The following RUFY1 variants were observed in gnomAD, a reference collection of about 807,000 sequenced individuals.
RUFY1 encodes the protein RUN and FYVE domain containing 1, also known as RUN and FYVE domain-containing protein 1.
In RUFY1, 54 loss-of-function variants were observed where a neutral mutation model predicts 94.6. That is an observed-to-expected ratio of 0.57 (90% CI 0.46 to 0.72). The LOEUF (loss-of-function observed/expected upper bound fraction) is 0.72. RUFY1 is among the 30% of genes least tolerant of loss of function. RUFY1 has a pLI of 0.00. For missense variants in RUFY1, 883 were observed against 883.9 expected (o/e 1.00, Z 0.01); for synonymous variants, 396 against 347.3 (o/e 1.14, Z -1.56).
intron 4 of RUFY1, chr5:179,568,946 T>G (rs1763026165): frequency 1.4e-6 from 1 of 735,800 alleles, no homozygotes; most frequent in African/African-American, 1.9e-5. Context: ...CCTGTTTATA[T>G]CAGCATAAGT....
chr5:179,579,657 C>CTTCTTTTTTTTTT (rs1433456916), intron 6 of RUFY1, among the ~76,000 whole-genome samples: 12 of 50,542 alleles, frequency 2.4e-4, no homozygotes, highest in African/African-American at 6.1e-4. Flanking sequence ...TTTTCTTCTT[C>CTTCTTTTTTTTTT]TTTTTTTTTT....
At chr5:179,608,215 G>C in intron 17 of RUFY1, 3 of 852,660 alleles carry the variant, frequency 3.5e-6, no homozygotes, top group Non-Finnish European at 4.2e-6. Context: ...AAAACTGGGA[G>C]CTAAAGGAAA....
At chr5:179,587,174 C>A (rs1177427231) in intron 8 of RUFY1, among the ~76,000 whole-genome samples, 1 of 152,062 alleles carries the variant, frequency 6.6e-6, no homozygotes, top group Non-Finnish European at 1.5e-5. Context: ...CTGCCTCAAC[C>A]TCCCAGTAGC....
chr5:179,580,400 G>A (rs547689263), intron 6 of RUFY1, among the ~76,000 whole-genome samples: 26 of 151,486 alleles, frequency 1.7e-4, no homozygotes, highest in Non-Finnish European at 2.9e-4. Context: ...CCGCCACCAC[G>A]CCCGGCTAAT....
At chr5:179,594,686 G>A (rs1222629748) in intron 11 of RUFY1, among the ~76,000 whole-genome samples, 180 bp from the exon 12 acceptor site, 4 of 138,650 alleles carry the variant, frequency 2.9e-5, no homozygotes, top group Admixed American at 7.5e-5. Flanking sequence ...GCGTGAACCC[G>A]GGAGGCGGAG....
chr5:179,567,981 A>G, intron 4 of RUFY1, among the ~76,000 whole-genome samples: 1 of 152,146 alleles, frequency 6.6e-6, no homozygotes, highest in East Asian at 1.9e-4. Context: ...GTGGTGGCTC[A>G]TGCCTGTAAT....
chr5:179,567,010 C>T (rs1204420895), intron 3 of RUFY1, among the ~76,000 whole-genome samples: 1 of 151,962 alleles, frequency 6.6e-6, no homozygotes, highest in Non-Finnish European at 1.5e-5. Context: ...GCTGAGATTG[C>T]ACCACTGCAC....
At chr5:179,598,375 G>C (rs1765902945) in intron 13 of RUFY1, 1 of 304,104 alleles carries the variant, frequency 3.3e-6, no homozygotes, top group Non-Finnish European at 6.2e-6. Context: ...AAAAAGAAAA[G>C]AACGAATTTT....
Position 179,595,123 on chromosome 5 carries a change from A to G in RUFY1, c.1511+160A>G, listed in dbSNP as rs951061710. 3.3e-5 allele frequency among the ~76,000 whole-genome samples: 5 copies of G among 152,196 alleles called. No homozygotes were observed. In the East Asian group the frequency reaches 9.7e-4, roughly 29 times the overall value. ...TTTGGGAGGCCGACGCGGGAGGATC[A>G]CTTAAGGTCAGAAGTTCAAGAACAG... On this transcript the variant is annotated intron_variant, in intron 12 of 17. Transcript: ENST00000319449.
At chr5:179,597,296 C>T (rs188779136) in intron 13 of RUFY1, among the ~76,000 whole-genome samples, 283 of 151,910 alleles carry the variant, frequency 1.9e-3, no homozygotes, top group Middle Eastern at 0.014. Context: ...AGTGCGGTGG[C>T]GCGATCTCGG....
At chr5:179,583,812 T>TGC (rs1562034774) in intron 7 of RUFY1, among the ~76,000 whole-genome samples, 1 of 147,828 alleles carries the variant, frequency 6.8e-6, no homozygotes, top group Non-Finnish European at 1.5e-5. Flanking sequence ...TGCAGTGGCA[T>TGC]GATCTCCGCT....
intron 8 of RUFY1, 175 bp from the exon 9 acceptor site, chr5:179,589,371 A>G (rs956946667): frequency 3.5e-6 from 2 of 575,082 alleles, no homozygotes; most frequent in Admixed American, 3.0e-5. Context: ...TACTACATAC[A>G]TTTTCATGTC....
intron 5 of RUFY1, among the ~76,000 whole-genome samples, chr5:179,574,380 G>A (rs911558251): frequency 6.6e-6 from 1 of 152,134 alleles, no homozygotes; most frequent in African/African-American, 2.4e-5. Context: ...GGGCAACAGA[G>A]CAAAACTCCG....
At position 179,560,133 on chromosome 5, in the gene RUFY1, C is replaced by T. The variant is rs1490878871; in HGVS notation, c.419C>T (p.Ala140Val). Residue 140 changes from alanine to valine, a missense_variant, in exon 2 of 18, where the codon GCG (alanine) becomes GTG (valine). By Grantham distance (64) the Ala-to-Val change is moderately conservative. Transcript: ENST00000319449. ...SALSLGRSLD[A>V]DHAPLQQFFV... The stretch of plus-strand genomic sequence containing the variant: ...CTGAGCCTGGGCCGCAGCCTGGATG[C>T]GGACCATGCCCCCTTGCAGCAGTTC... 17 of 1,613,978 alleles carry T rather than the reference C, an allele frequency of 1.1e-5. No individual in the cohort carries two copies. The highest frequency in any genetic ancestry group is 1.4e-5 in the Non-Finnish European group (16 of 1,179,966).
At chr5:179,570,680 C>G (rs1763162405) in intron 5 of RUFY1, among the ~76,000 whole-genome samples, 1 of 152,106 alleles carries the variant, frequency 6.6e-6, no homozygotes, top group Non-Finnish European at 1.5e-5. Flanking sequence ...CACTACCTAG[C>G]AAAATTCCCA....
chr5:179,569,131 G>A lies in RUFY1; in HGVS notation c.705-171G>A, dbSNP rs77117266. 8.3e-6 allele frequency: 7 copies of A among 845,072 alleles called. No individual in the cohort carries two copies. The African/African-American group carries it at 2.0e-4, about 24-fold the overall frequency. 52.3% of individuals were successfully genotyped at this position (845,072 alleles called of 1,614,324 possible). ...AAGCCACAGGAAGAGAGGAGAGGAC[G>A]GGAGAAAAAGCAGCCGTTGAAGCAG... On this transcript the variant is annotated intron_variant, in intron 4 of 17. Transcript: ENST00000319449.
Position 179,598,682 on chromosome 5 carries a change from G to T in RUFY1, c.1632-10G>T, listed in dbSNP as rs1289018706. On this transcript the variant is annotated splice_polypyrimidine_tract_variant and intron_variant, in intron 13 of 17. Transcript: ENST00000319449. Reference sequence around the variant, plus strand: ...ACTGAGACTAACTCAAGTTCATTTTGGGAAAACAGCTCAAGCCTGGAGAAA... The same window carrying T: ...ACTGAGACTAACTCAAGTTCATTTTTGGAAAACAGCTCAAGCCTGGAGAAA... 3.1e-6 allele frequency: 5 copies of T among 1,613,838 alleles called. No homozygotes were observed. Among genetic ancestry groups the T allele is most frequent in the Non-Finnish European group, 3.4e-6 (4 of 1,179,962 alleles).
At chr5:179,574,319 T>A (rs1361269960) in intron 5 of RUFY1, among the ~76,000 whole-genome samples, 1 of 152,074 alleles carries the variant, frequency 6.6e-6, no homozygotes, top group Non-Finnish European at 1.5e-5. Flanking sequence ...CGCTGGAACC[T>A]GGGAGGCAGA....
chr5:179,589,087 G>C (rs1457581661), intron 8 of RUFY1, among the ~76,000 whole-genome samples: 1 of 152,060 alleles, frequency 6.6e-6, no homozygotes, highest in African/African-American at 2.4e-5. Flanking sequence ...ATACAGGTGA[G>C]AGCATACCAT....
Sources: allele counts gnomAD v4.1 joint callset (sites outside exome capture counted in the v4.1 genomes callset), GRCh38; gene constraint gnomAD v4.1.1; transcripts MANE v1.5; gene names NCBI Gene and HGNC (gene_info 2026-07-23, HGNC 2026-07-21).